PPP2R3A: variants seen among roughly 807,000 people sequenced by gnomAD.
PPP2R3A encodes protein phosphatase 2 regulatory subunit B''alpha, also known as serine/threonine-protein phosphatase 2A regulatory subunit B'' subunit alpha.
In PPP2R3A, 80 loss-of-function variants were observed where a neutral mutation model predicts 106.9. That is an observed-to-expected ratio of 0.75 (90% CI 0.62 to 0.90). PPP2R3A has a LOEUF of 0.90. Ranked by LOEUF, PPP2R3A falls within the 40% of genes least tolerant of loss-of-function variation. The probability of loss-of-function intolerance (pLI) is 0.00; values close to 1 mark genes in which losing one functional copy is unlikely to be tolerated. For missense variants in PPP2R3A, 1,386 were observed against 1,350.4 expected (o/e 1.03, Z -0.41); for synonymous variants, 483 against 468.3 (o/e 1.03, Z -0.41).
intron 2 of PPP2R3A, among the ~76,000 whole-genome samples, chr3:136,019,858 A>C (rs746949168): frequency 6.6e-6 from 1 of 152,184 alleles, no homozygotes; most frequent in Non-Finnish European, 1.5e-5. Context: ...ATCAAAAGAC[A>C]TGAAGAAATA....
chr3:135,981,311 A>T (rs1937536635), intron 1 of PPP2R3A, among the ~76,000 whole-genome samples: 1 of 151,586 alleles, frequency 6.6e-6, no homozygotes. Flanking sequence ...GCCTCTCTGT[A>T]TTAGAGGATT....
intron 6 of PPP2R3A, among the ~76,000 whole-genome samples, chr3:136,077,235 A>G (rs1485027933): frequency 6.6e-6 from 1 of 152,150 alleles, no homozygotes; most frequent in Non-Finnish European, 1.5e-5. Flanking sequence ...TGGACAGCTG[A>G]AATCTAGACC....
At chr3:136,108,550 G>A (rs67109185) in intron 13 of PPP2R3A, among the ~76,000 whole-genome samples, 37,149 of 151,912 alleles carry the variant, frequency 0.24, 4,811 homozygotes, top group African/African-American at 0.27. Flanking sequence ...AAGACAATAG[G>A]AAAGCTTTTT....
At chr3:136,096,872 T>C (rs1343102005) in intron 10 of PPP2R3A, among the ~76,000 whole-genome samples, 1 of 152,174 alleles carries the variant, frequency 6.6e-6, no homozygotes, top group African/African-American at 2.4e-5. Flanking sequence ...CAAGAATCGC[T>C]TGAACCCGGG....
chr3:136,067,726 G>T (rs1936303977), intron 5 of PPP2R3A, among the ~76,000 whole-genome samples: 1 of 152,188 alleles, frequency 6.6e-6, no homozygotes, highest in Non-Finnish European at 1.5e-5. Flanking sequence ...AAGGCATAAA[G>T]AAAATGTACA....
intron 10 of PPP2R3A, among the ~76,000 whole-genome samples, chr3:136,096,257 A>C (rs755663031): frequency 4.6e-5 from 7 of 152,222 alleles, no homozygotes; most frequent in Non-Finnish European, 8.8e-5. Context: ...ACTCTTATTT[A>C]AGAAAATGGA....
At chr3:135,980,788 G>A (rs1296490991) in intron 1 of PPP2R3A, among the ~76,000 whole-genome samples, 1 of 151,896 alleles carries the variant, frequency 6.6e-6, no homozygotes, top group Non-Finnish European at 1.5e-5. Context: ...ACTCAGTTCA[G>A]CTAGCTTGGT....
At chr3:136,093,361 A>G (rs1937138620) in intron 10 of PPP2R3A, among the ~76,000 whole-genome samples, 1 of 152,196 alleles carries the variant, frequency 6.6e-6, no homozygotes, top group South Asian at 2.1e-4. Flanking sequence ...GTGAGTTGAG[A>G]TCACGTCACT....
At chr3:136,074,982 C>T (rs1486987608) in intron 6 of PPP2R3A, among the ~76,000 whole-genome samples, 1 of 152,232 alleles carries the variant, frequency 6.6e-6, no homozygotes, top group African/African-American at 2.4e-5. Context: ...TTCACCACTC[C>T]TGCCAAGTGA....
At chr3:136,040,231 G>C (rs1164856219) in intron 3 of PPP2R3A, among the ~76,000 whole-genome samples, 1 of 152,170 alleles carries the variant, frequency 6.6e-6, no homozygotes, top group East Asian at 1.9e-4. Flanking sequence ...TTTCTTTCTA[G>C]AAGGTAGTAA....
chr3:136,139,415 G>A (rs192676949), intron 13 of PPP2R3A, among the ~76,000 whole-genome samples: 2 of 152,212 alleles, frequency 1.3e-5, no homozygotes, highest in East Asian at 3.9e-4. Flanking sequence ...TTGTTCTCAG[G>A]CTAGGTGCGG....
At chr3:136,099,250 A>G (rs935592803) in intron 10 of PPP2R3A, among the ~76,000 whole-genome samples, 3 of 152,108 alleles carry the variant, frequency 2.0e-5, no homozygotes, top group African/African-American at 7.2e-5. Flanking sequence ...ACAGATCAGA[A>G]CCTCCAATCA....
chr3:135,991,905 T>C (rs1452187808), intron 1 of PPP2R3A, among the ~76,000 whole-genome samples: 1 of 152,202 alleles, frequency 6.6e-6, no homozygotes, highest in Non-Finnish European at 1.5e-5. Context: ...CTGCTGAATG[T>C]TTTTATATTA....
chr3:136,094,097 T>C (rs1435427051), intron 10 of PPP2R3A, among the ~76,000 whole-genome samples: 1 of 152,202 alleles, frequency 6.6e-6, no homozygotes, highest in Non-Finnish European at 1.5e-5. Context: ...TTATGTAAAG[T>C]AAAAGATGCC....
intron 1 of PPP2R3A, among the ~76,000 whole-genome samples, chr3:135,995,721 C>T (rs1337344312): frequency 1.3e-5 from 2 of 152,098 alleles, no homozygotes; most frequent in Non-Finnish European, 2.9e-5. Context: ...AGTCTGCCCA[C>T]CTTGGCCTCC....
Position 136,002,468 on chromosome 3 carries a change from C to T in PPP2R3A, c.970C>T (p.Pro324Ser). 6.2e-7 allele frequency: 1 copy of T among 1,614,070 alleles called. No individual in the cohort carries two copies. The highest frequency in any genetic ancestry group is 8.5e-7 in the Non-Finnish European group (1 of 1,179,960). ...MPSLQLTPFS[P>S]VFGTEQPPKY... ...TAGCTTACAACTGACTCCCTTCTCC[C>T]CAGTGTTTGGCACTGAACAACCCCC... The change falls in exon 2 of 14, where the codon CCA becomes TCA. Residue 324 changes from proline to serine, a missense_variant. Physicochemically the swap from Pro to Ser is moderately conservative, Grantham distance 74. Transcript: ENST00000264977.
At chr3:136,021,117 T>A (rs1196494356) in intron 2 of PPP2R3A, among the ~76,000 whole-genome samples, 2 of 152,034 alleles carry the variant, frequency 1.3e-5, no homozygotes, top group African/African-American at 4.8e-5. Flanking sequence ...AGAATAAGCA[T>A]TAAATTGTAA....
chr3:136,010,252 TTC>T (rs1934004036), intron 2 of PPP2R3A, among the ~76,000 whole-genome samples: 1 of 146,810 alleles, frequency 6.8e-6, no homozygotes, highest in Non-Finnish European at 1.5e-5. Context: ...TTTCTTTTCT[TTC>T]TTTCTTTTTT....
rs539107137 is a variant in PPP2R3A, at chr3:136,053,467, A to T, written c.2469+4106A>T. Among the ~76,000 whole-genome samples the T allele has an allele frequency of 6.6e-5, 10 of 152,326 alleles. No homozygotes were observed. The South Asian group carries it at 1.9e-3, about 28-fold the overall frequency. On this transcript the variant is annotated intron_variant, in intron 5 of 13. Transcript: ENST00000264977. Reference sequence around the variant, plus strand: ...AGTGGTGAAGTGAGCTCCTGTGCTCATCAAGGCCCAGAGCAGTTGTAAATT... The same window carrying T: ...AGTGGTGAAGTGAGCTCCTGTGCTCTTCAAGGCCCAGAGCAGTTGTAAATT...
Sources: allele counts gnomAD v4.1 joint callset (sites outside exome capture counted in the v4.1 genomes callset), GRCh38; gene constraint gnomAD v4.1.1; transcripts MANE v1.5; gene names NCBI Gene and HGNC (gene_info 2026-07-23, HGNC 2026-07-21).